The following USP39 variants were observed in gnomAD, a reference collection of about 807,000 sequenced individuals.
The protein encoded by USP39 is ubiquitin specific peptidase 39.
In USP39, 38 loss-of-function variants were observed where a neutral mutation model predicts 66.4. That is an observed-to-expected ratio of 0.57 (90% CI 0.44 to 0.75). The LOEUF (loss-of-function observed/expected upper bound fraction) is 0.75. Among genes scored for constraint, USP39 ranks in the 30% least tolerant of loss-of-function variants. The probability of loss-of-function intolerance (pLI) is 0.00; values close to 1 mark genes in which losing one functional copy is unlikely to be tolerated. For synonymous variants in USP39, 303 were observed against 274.6 expected (o/e 1.10, Z -1.02); for missense variants, 608 against 714.4 (o/e 0.85, Z 1.70).
chr2:85,619,339 G>C, intron 2 of USP39, 50 bp downstream of exon 2: 1 of 1,589,472 alleles, frequency 6.3e-7, no homozygotes, highest in Non-Finnish European at 8.6e-7. Flanking sequence ...TGGAATCTGT[G>C]CAGAAAGTTT....
chr2:85,632,712 T>A (rs12714148), intron 6 of USP39, among the ~76,000 whole-genome samples: 37,156 of 151,890 alleles, frequency 0.24, 5,703 homozygotes, highest in East Asian at 0.48. Flanking sequence ...CCTCCCAAAG[T>A]GCTGGGATTA....
At chr2:85,638,281 C>G (rs979587220) in intron 8 of USP39, among the ~76,000 whole-genome samples, 2 of 152,024 alleles carry the variant, frequency 1.3e-5, no homozygotes, top group Non-Finnish European at 2.9e-5. Flanking sequence ...CTTGGCCTCC[C>G]AAAGTGCTGG....
intron 5 of USP39, among the ~76,000 whole-genome samples, chr2:85,627,574 T>C (rs1674968811): frequency 1.3e-5 from 2 of 151,724 alleles, no homozygotes; most frequent in East Asian, 3.9e-4. Context: ...CAGGGTCCCT[T>C]GAGGCCAGTA....
chr2:85,608,900 T>C (rs1200843382), upstream of USP39: 1 of 1,606,104 alleles, frequency 6.2e-7, no homozygotes, highest in Admixed American at 1.7e-5. Context: ...GCAGAATTCT[T>C]CCGAGTGCAG....
upstream of USP39, chr2:85,611,941 G>A: frequency 1.3e-6 from 2 of 1,583,264 alleles, no homozygotes; most frequent in Non-Finnish European, 1.7e-6. Context: ...CCGCCCCCCA[G>A]GCTTGCAGCA....
upstream of USP39, chr2:85,609,531 A>G (rs1364283527): frequency 1.9e-6 from 3 of 1,614,148 alleles, no homozygotes; most frequent in South Asian, 2.2e-5. Context: ...AGCCTCCACT[A>G]CTGCTGCTTT....
At chr2:85,636,271 C>T (rs4416212) in intron 7 of USP39, 141 bp downstream of exon 7, 453,277 of 706,644 alleles carry the variant, frequency 0.64, 148,100 homozygotes, top group East Asian at 0.83. Flanking sequence ...AGTTTGAGAC[C>T]GGCCTGGCCA....
chr2:85,637,198 T>C (rs1421413404), intron 7 of USP39, among the ~76,000 whole-genome samples, 171 bp from the exon 8 acceptor site: 4 of 152,214 alleles, frequency 2.6e-5, no homozygotes, highest in Non-Finnish European at 5.9e-5. Context: ...CAAATAATTA[T>C]AAAGGTACCC....
At chr2:85,623,872 G>A in intron 4 of USP39, 90 bp downstream of exon 4, 2 of 1,409,814 alleles carry the variant, frequency 1.4e-6, no homozygotes, top group Non-Finnish European at 1.9e-6. Context: ...GGACAGGGAA[G>A]AATCTCAGTC....
intron 1 of USP39, among the ~76,000 whole-genome samples, chr2:85,616,897 A>T (rs1464046823): frequency 1.3e-5 from 2 of 151,646 alleles, no homozygotes; most frequent in African/African-American, 4.8e-5. Flanking sequence ...TCATCGTGTT[A>T]GCCAGGATGG....
At position 85,648,702 on chromosome 2, in the gene USP39, A is replaced by G. The variant is rs1573458634; in HGVS notation, c.1651-59A>G. ...TGGCCTGGCACAGAATAGGTATTTG[A>G]TAAGTGTCTGTTGACTGAATGCCTC... On this transcript the variant is annotated intron_variant, in intron 12 of 12. Coordinates refer to ENST00000323701, the MANE Select transcript of USP39 (RefSeq NM_006590.4). The G allele has an allele frequency of 1.1e-5, 17 of 1,584,646 alleles. No homozygotes were observed. In the East Asian group the frequency reaches 3.6e-4, roughly 33 times the overall value.
At chr2:85,631,782 T>C (rs1675362410) in intron 6 of USP39, among the ~76,000 whole-genome samples, 3 of 152,088 alleles carry the variant, frequency 2.0e-5, no homozygotes, top group Admixed American at 6.6e-5. Flanking sequence ...CGAGTCTTGC[T>C]TCATTGCCCA....
In USP39 at chr2:85,616,332, G is replaced by T. The variant is rs774771518; in HGVS notation, c.137G>T (p.Ser46Ile). ...CCTGAGGCGGCGAGCTCCCGGGGCA[G>T]CCCTGTGCGCGTGAAGCGGGAGTTC... is the stretch of plus-strand genomic sequence containing the variant. Reference protein sequence around the residue: ...REPEAASSRGSPVRVKREFEP... With the variant: ...REPEAASSRGIPVRVKREFEP... The change falls in exon 1 of 13, where the codon AGC (serine) becomes ATC (isoleucine). Residue 46 changes from serine (S) to isoleucine (I), a missense_variant. By Grantham distance (142) the Ser-to-Ile change is moderately radical (BLOSUM62 -2). Transcript: ENST00000323701. 40 of 1,600,530 alleles carry T rather than the reference G, an allele frequency of 2.5e-5. No homozygotes were observed. The highest frequency in any genetic ancestry group is 3.2e-5 in the Non-Finnish European group (38 of 1,173,756).
intron 1 of USP39, among the ~76,000 whole-genome samples, chr2:85,617,526 A>C (rs1262808405): frequency 6.6e-6 from 1 of 152,186 alleles, no homozygotes; most frequent in Non-Finnish European, 1.5e-5. Context: ...CGAGGAGACA[A>C]GGGCACAATC....
chr2:85,620,208 C>T (rs1023848020), intron 2 of USP39, among the ~76,000 whole-genome samples: 45 of 151,376 alleles, frequency 3.0e-4, no homozygotes, highest in African/African-American at 1.0e-3. Flanking sequence ...TGGCCGGGTG[C>T]TCTGGCTCAT....
intron 5 of USP39, among the ~76,000 whole-genome samples, chr2:85,626,539 T>A (rs976821746): frequency 7.9e-5 from 12 of 152,190 alleles, no homozygotes; most frequent in African/African-American, 2.7e-4. Context: ...CATCTGGAAC[T>A]TCAGGGAATG....
At chr2:85,611,910 G>A (rs772594273), upstream of USP39, 3 of 1,592,664 alleles carry the variant, frequency 1.9e-6, no homozygotes, top group East Asian at 6.8e-5. Context: ...TATGGTGCAC[G>A]AAGCCGTGGT....
At chr2:85,622,116 G>A (rs1244540603) in intron 3 of USP39, among the ~76,000 whole-genome samples, 2 of 151,096 alleles carry the variant, frequency 1.3e-5, no homozygotes, top group East Asian at 1.9e-4. Context: ...CACCGCGCCC[G>A]GCCTAATTTT....
upstream of USP39, among the ~76,000 whole-genome samples, chr2:85,614,059 G>C (rs893731816): frequency 1.1e-4 from 17 of 151,918 alleles, no homozygotes. Context: ...GTGAGCCACC[G>C]TACTGGGCCC....
Sources: gnomAD v4.1 joint callset for allele counts (sites outside exome capture counted in the v4.1 genomes callset) on GRCh38, gnomAD v4.1.1 for gene constraint, MANE v1.5 for transcripts, NCBI Gene and HGNC (gene_info 2026-07-23, HGNC 2026-07-21) for gene names.